Variants in WDR47 observed in about 807,000 individuals in gnomAD.
WDR47 encodes WD repeat domain 47.
In WDR47, 32 loss-of-function variants were observed where a neutral mutation model predicts 97.2. The ratio of observed to expected loss-of-function variants is 0.33; its 90% CI spans 0.25 to 0.44. The LOEUF is 0.44. Ranked by LOEUF, WDR47 falls within the 20% of genes least tolerant of loss-of-function variation. WDR47 has a pLI of 1.00. For synonymous variants in WDR47, 375 were observed against 373.5 expected, an observed-to-expected ratio of 1.00 and a Z score of -0.05; for missense variants, 782 against 1,102.3, an observed-to-expected ratio of 0.71 and a Z score of 4.11.
At position 108,982,498 on chromosome 1, in the gene WDR47, C is replaced by A. The variant is rs75026606; in HGVS notation, c.2266+111G>T. 252 of 1,331,478 alleles carry A rather than the reference C, an allele frequency of 1.9e-4. 1 individual carries two copies. The African/African-American group carries it at 3.5e-3, about 18-fold the overall frequency. 82.5% of individuals were successfully genotyped at this position (1,331,478 alleles called of 1,614,324 possible). ...AGTGAGCTGTGATTGTGCCACTGCA[C>A]TCTGGACAGTAAGAGCAAGACCCTG... On this transcript the variant is annotated intron_variant, in intron 12 of 14. Transcript: ENST00000369962.
chr1:109,012,521 T>TA (rs1661108682), intron 4 of WDR47, among the ~76,000 whole-genome samples: 1 of 128,366 alleles, frequency 7.8e-6, no homozygotes, highest in Admixed American at 1.0e-4. Context: ...TACAGTGAGC[T>TA]GAGATCGCAC....
intron 3 of WDR47, among the ~76,000 whole-genome samples, chr1:109,016,210 C>T (rs1439197307): frequency 6.6e-6 from 1 of 152,018 alleles, no homozygotes; most frequent in South Asian, 2.1e-4. Flanking sequence ...CGAGACCAGC[C>T]TGGGCAACAA....
intron 8 of WDR47, among the ~76,000 whole-genome samples, chr1:108,993,607 C>A: frequency 1.3e-5 from 2 of 152,090 alleles, no homozygotes; most frequent in Non-Finnish European, 2.9e-5. Flanking sequence ...AAGGAAATCC[C>A]AGCAGAACAG....
At chr1:109,023,929 TAA>T (rs1662027542) in intron 1 of WDR47, among the ~76,000 whole-genome samples, 1 of 152,220 alleles carries the variant, frequency 6.6e-6, no homozygotes, top group Non-Finnish European at 1.5e-5. Context: ...GAGAATATTT[TAA>T]AAAGTCATTA....
chr1:109,014,437 CTT>C (rs938595484), intron 3 of WDR47, among the ~76,000 whole-genome samples: 6 of 142,714 alleles, frequency 4.2e-5, no homozygotes, highest in Non-Finnish European at 3.1e-5. Flanking sequence ...TTTTCCTTTT[CTT>C]TTTTTTTTTT....
intron 4 of WDR47, among the ~76,000 whole-genome samples, chr1:109,012,499 G>C (rs966370212): frequency 6.7e-6 from 1 of 149,268 alleles, no homozygotes; most frequent in Admixed American, 6.8e-5. Context: ...CTTGAACCCA[G>C]GAGGCAGAGG....
chr1:109,002,136 C>A, intron 7 of WDR47, 88 bp downstream of exon 7: 1 of 1,391,412 alleles, frequency 7.2e-7, no homozygotes, highest in South Asian at 1.6e-5. Context: ...CTTAAAATGT[C>A]AAACTATACA....
intron 13 of WDR47, among the ~76,000 whole-genome samples, chr1:108,976,977 G>A (rs1035297598): frequency 3.9e-5 from 6 of 152,152 alleles, no homozygotes; most frequent in Non-Finnish European, 7.3e-5. Context: ...GGTGTGAGGT[G>A]ACCAGGCTTA....
rs1557951895 is a variant in WDR47 at position 109,017,641 on chromosome 1, TC to T, written c.159-41del. 4 of 1,535,594 alleles carry T rather than the reference TC, an allele frequency of 2.6e-6. No homozygotes were observed. The Admixed American group carries it at 5.6e-5, about 21-fold the overall frequency. ...TAAAAAAACCAGCATGTCACCAAAT[TC>T]AGGTTATACTAATTAAAAGCAGAAC... On this transcript the variant is annotated intron_variant, in intron 2 of 14. Transcript: ENST00000369962.
Position 108,982,732 on chromosome 1 carries a change from C to A in WDR47, c.2143G>T (p.Ala715Ser). The change falls in exon 12 of 15, where the codon GCA becomes TCA. Residue 715 changes from alanine to serine, a missense_variant. Around this residue, in one of 3 missense-constraint regions of WDR47, gnomAD observed 228 missense variants for 396.7 expected, o/e 0.57. Transcript: ENST00000369962. ...SMHDGTIRDLAFMEGPESGGA... is the reference protein window; with the variant it reads ...SMHDGTIRDLSFMEGPESGGA... ...CCGCTTTCTGGGCCTTCCATAAATG[C>A]CAAGTCTCTAATTGTTCCATCATGC... The A allele has an allele frequency of 6.2e-7, 1 of 1,613,914 alleles. No individual in the cohort carries two copies. The highest frequency in any genetic ancestry group is 2.2e-5 in the East Asian group (1 of 44,864).
At chr1:109,018,493 T>C (rs1026706992) in intron 2 of WDR47, among the ~76,000 whole-genome samples, 2 of 151,390 alleles carry the variant, frequency 1.3e-5, no homozygotes, top group African/African-American at 4.9e-5. Context: ...ATATTCATCT[T>C]ACAGTTTTAA....
intron 14 of WDR47, 67 bp from the exon 15 acceptor site, chr1:108,971,639 C>A: frequency 6.4e-7 from 1 of 1,559,472 alleles, no homozygotes. Context: ...TATAGACTTC[C>A]TGTTACTTTA....
rs1332948413 is a variant in WDR47, at chr1:109,023,486, T to C, written c.27A>G (p.Val9=). The change falls in exon 2 of 15, where the codon GTA becomes GTG. Residue 9 remains valine, a synonymous_variant. Transcript: ENST00000369962. ...TTAGCTTAATGATTTCAACCTCTTT[T>C]ACATTCACTGTTTCTTCAGCCGTCA... MTAEETVN[V]KEVEIIKLIL... is the part of the protein sequence containing the mutation. 1.6e-5 allele frequency: 26 copies of C among 1,613,316 alleles called. No homozygotes were observed. The highest frequency in any genetic ancestry group is 2.0e-5 in the Non-Finnish European group (24 of 1,179,616).
At chr1:109,030,371 G>C in intron 1 of WDR47, 1 of 489,882 alleles carries the variant, frequency 2.0e-6, no homozygotes, top group Non-Finnish European at 3.5e-6. Flanking sequence ...GCACATTTTT[G>C]ATAAAAATAA....
At chr1:109,034,059 T>C (rs1046137568) in intron 1 of WDR47, among the ~76,000 whole-genome samples, 2 of 152,208 alleles carry the variant, frequency 1.3e-5, no homozygotes, top group African/African-American at 4.8e-5. Context: ...GAGGCCGAAG[T>C]GGGTGGATCA....
At chr1:109,025,709 G>A (rs538584211) in intron 1 of WDR47, among the ~76,000 whole-genome samples, 8 of 152,178 alleles carry the variant, frequency 5.3e-5, no homozygotes, top group Middle Eastern at 3.4e-3. Context: ...ACTCCAGCCT[G>A]GGCAATAGAG....
At position 108,972,663 on chromosome 1, in the gene WDR47, C is replaced by T. The variant is rs565585154; in HGVS notation, c.2618-1091G>A. On this transcript the variant is annotated intron_variant, in intron 14 of 14. Transcript: ENST00000369962. ...GCCCTTAAAAAAAATGTCTATAGGCCGGGCGCGGTGGCTCACGCCTGTAAT... is the reference window on the plus strand; with the variant it reads ...GCCCTTAAAAAAAATGTCTATAGGCTGGGCGCGGTGGCTCACGCCTGTAAT... 1.4e-3 allele frequency among the ~76,000 whole-genome samples: 211 copies of T among 152,216 alleles called. 1 individual carries two copies. The highest frequency in any genetic ancestry group is 4.5e-3 in the African/African-American group (186 of 41,524).
chr1:109,004,168 G>C (rs1571198778), intron 6 of WDR47, among the ~76,000 whole-genome samples: 1 of 152,102 alleles, frequency 6.6e-6, no homozygotes, highest in Non-Finnish European at 1.5e-5. Flanking sequence ...GGGAGGCTGA[G>C]GCAGGAGAGT....
chr1:109,009,782 G>A (rs1660895144), intron 5 of WDR47, among the ~76,000 whole-genome samples: 1 of 151,892 alleles, frequency 6.6e-6, no homozygotes, highest in Non-Finnish European at 1.5e-5. Context: ...TGGATCAGCT[G>A]AGATCAGGAG....
Sources: gnomAD v4.1 joint callset for allele counts (sites outside exome capture counted in the v4.1 genomes callset) on GRCh38, gnomAD v4.1.1 for gene constraint, gnomAD v4.1.1 regional missense constraint, MANE v1.5 for transcripts, NCBI Gene and HGNC (gene_info 2026-07-23, HGNC 2026-07-21) for gene names.